NLRP14: variants seen among roughly 807,000 people sequenced by gnomAD.
The protein encoded by NLRP14 is NLR family pyrin domain containing 14, also known as NACHT, LRR and PYD domains-containing protein 14.
In NLRP14, 105 loss-of-function variants were observed where a neutral mutation model predicts 94.7. That is an observed-to-expected ratio of 1.11 (90% CI 0.95 to 1.30). The LOEUF (loss-of-function observed/expected upper bound fraction) is 1.30, where lower values mean the gene tolerates loss of function less well. Ranked by LOEUF, NLRP14 falls within the 50% of genes most tolerant of loss-of-function variation. The probability of loss-of-function intolerance (pLI) is 0.00; values close to 1 mark genes in which losing one functional copy is unlikely to be tolerated. For synonymous variants in NLRP14, 508 were observed against 459.9 expected, an observed-to-expected ratio of 1.10 and a Z score of -1.34; for missense variants, 1,362 against 1,254.1, an observed-to-expected ratio of 1.09 and a Z score of -1.30.
At chr11:7,030,905 T>C (rs1016549207) in intron 1 of NLRP14, among the ~76,000 whole-genome samples, 11 of 152,286 alleles carry the variant, frequency 7.2e-5, no homozygotes, top group African/African-American at 2.6e-4. Flanking sequence ...GATCCTATAT[T>C]GAACACTGAA....
rs1380358602 is a variant in NLRP14 at position 7,042,726 on chromosome 11, T to A, written c.700T>A (p.Ser234Thr). 6.2e-7 allele frequency: 1 copy of A among 1,614,190 alleles called. No homozygotes were observed. The highest frequency in any genetic ancestry group is 2.2e-5 in the East Asian group (1 of 44,878). The change falls in exon 4 of 12, where the codon TCA becomes ACA. Residue 234 changes from serine to threonine, a missense_variant. Physicochemically the swap from Ser to Thr is moderately conservative, Grantham distance 58. Coordinates refer to ENST00000299481, the MANE Select transcript of NLRP14 (RefSeq NM_176822.4). ...LKERSFAQLI[S>T]KDWPSTEGPI... ...AGAGAGAAGCTTTGCTCAATTGATA[T>A]CAAAGGACTGGCCCAGCACAGAAGG...
chr11:7,032,229 G>T (rs576508950), intron 1 of NLRP14, among the ~76,000 whole-genome samples: 12 of 151,910 alleles, frequency 7.9e-5, no homozygotes, highest in South Asian at 2.1e-4. Flanking sequence ...GTACATTTTG[G>T]TTTTTTTTAT....
chr11:7,072,376 C>T (rs565695241), downstream of NLRP14, among the ~76,000 whole-genome samples: 1 of 152,234 alleles, frequency 6.6e-6, no homozygotes, highest in South Asian at 2.1e-4. Flanking sequence ...TGATCCTTGC[C>T]CCCTCAGAGG....
In NLRP14 at chr11:7,038,804, G is replaced by T; in HGVS notation, c.218G>T (p.Ser73Ile). The change falls in exon 2 of 12, where the codon AGT becomes ATT. Residue 73 changes from serine to isoleucine, a missense_variant. Ser to Ile is a moderately radical substitution (Grantham distance 142). Coordinates refer to ENST00000299481, the MANE Select transcript of NLRP14 (RefSeq NM_176822.4). Reference sequence around the variant, plus strand: ...TATTATCCAGGAGAGAAAGCCTGGAGTGTGTCTCTCAAAATCTTTGGCAAG... The same window carrying T: ...TATTATCCAGGAGAGAAAGCCTGGATTGTGTCTCTCAAAATCTTTGGCAAG... ...KKYYPGEKAW[S>I]VSLKIFGKMN... is the part of the protein sequence containing the mutation. 1 of 1,613,148 alleles carries T rather than the reference G, an allele frequency of 6.2e-7. No individual in the cohort carries two copies. Among genetic ancestry groups the T allele is most frequent in the Non-Finnish European group, 8.5e-7 (1 of 1,179,744 alleles).
chr11:7,046,183 T>G (rs1203714488), intron 4 of NLRP14, among the ~76,000 whole-genome samples: 2 of 152,212 alleles, frequency 1.3e-5, no homozygotes, highest in Non-Finnish European at 2.9e-5. Flanking sequence ...TTATAGATGA[T>G]GAAAATTTGC....
chr11:7,068,428 G>A (rs1159044200), intron 10 of NLRP14, among the ~76,000 whole-genome samples: 1 of 151,916 alleles, frequency 6.6e-6, no homozygotes, highest in Non-Finnish European at 1.5e-5. Context: ...TGTTATTTTT[G>A]AGTCCACAAT....
At chr11:7,031,196 C>G (rs1852089360) in intron 1 of NLRP14, among the ~76,000 whole-genome samples, 2 of 152,296 alleles carry the variant, frequency 1.3e-5, no homozygotes, top group East Asian at 3.9e-4. Context: ...GCGCTTATAC[C>G]CTTTGCCACC....
At chr11:7,022,150 C>T (rs1047206835) in intron 1 of NLRP14, among the ~76,000 whole-genome samples, 1 of 152,150 alleles carries the variant, frequency 6.6e-6, no homozygotes, top group African/African-American at 2.4e-5. Context: ...GCCTATCTGC[C>T]TCCGTCCACC....
chr11:7,035,463 G>C (rs992242370), intron 1 of NLRP14, among the ~76,000 whole-genome samples: 4 of 152,054 alleles, frequency 2.6e-5, no homozygotes, highest in African/African-American at 9.7e-5. Flanking sequence ...GAAGATCCAG[G>C]GTTCTAATTG....
chr11:7,046,665 A>G lies in NLRP14; in HGVS notation c.1959-3A>G. On this transcript the variant is annotated splice_region_variant and splice_polypyrimidine_tract_variant and intron_variant, in intron 4 of 11. Transcript: ENST00000299481. Reference sequence around the variant, plus strand: ...TTTTCTTTTCTCAATTATTTATGCAAAGGGATGGTGATCGCATTACTCACT... The same window carrying G: ...TTTTCTTTTCTCAATTATTTATGCAGAGGGATGGTGATCGCATTACTCACT... 1 of 1,612,482 alleles carries G rather than the reference A, an allele frequency of 6.2e-7. No homozygotes were observed. The highest frequency in any genetic ancestry group is 8.5e-7 in the Non-Finnish European group (1 of 1,178,532).
At chr11:7,079,820 C>T in the NLRP14 span, among the ~76,000 whole-genome samples, 4 of 152,168 alleles carry the variant, frequency 2.6e-5, no homozygotes, top group African/African-American at 9.7e-5. Context: ...CTGTGTCTTT[C>T]CCCCATTGGC....
Position 7,043,919 on chromosome 11 carries a change from C to G in NLRP14, c.1893C>G (p.Ile631Met). Residue 631 changes from isoleucine to methionine, a missense_variant, in exon 4 of 12, where the codon ATC becomes ATG. By Grantham distance (10) the Ile-to-Met change is conservative. Coordinates refer to ENST00000299481, the MANE Select transcript of NLRP14 (RefSeq NM_176822.4). ...CLKHCRCLRT[I>M]RLSVTVVFEK... ...AGCACTGCCGGTGTTTGCGGACCAT[C>G]AGGCTGTCTGTAACTGTGGTATTTG... The G allele has an allele frequency of 6.2e-7, 1 of 1,614,116 alleles. No individual in the cohort carries two copies. Among genetic ancestry groups the G allele is most frequent in the Non-Finnish European group, 8.5e-7 (1 of 1,179,964 alleles).
downstream of NLRP14, among the ~76,000 whole-genome samples, chr11:7,073,296 T>TA (rs1852829010): frequency 6.6e-6 from 1 of 152,172 alleles, no homozygotes. Context: ...ACCACAAACT[T>TA]AATGTTTTTC....
In NLRP14 at chr11:7,071,231, A is replaced by G. The variant is rs199535673; in HGVS notation, c.3205A>G (p.Ser1069Gly). Residue 1069 changes from serine (S) to glycine (G), a missense_variant, in exon 12 of 12, where the codon AGC becomes GGC. By Grantham distance (56) the Ser-to-Gly change is moderately conservative. Coordinates refer to ENST00000299481, the MANE Select transcript of NLRP14 (RefSeq NM_176822.4). ...GAAGCTGCTGGAAGCTGTGGGAGTTAGCAATCCACACTTAATCATTAAGCC... is the reference window on the plus strand; with the variant it reads ...GAAGCTGCTGGAAGCTGTGGGAGTTGGCAATCCACACTTAATCATTAAGCC... ...AQKLLEAVGV[S>G]NPHLIIKPDC... The G allele has an allele frequency of 8.7e-6, 14 of 1,613,456 alleles. No individual in the cohort carries two copies. In the South Asian group the frequency reaches 8.8e-5, roughly 10 times the overall value.
chr11:7,073,676 C>G (rs1029804040), downstream of NLRP14, among the ~76,000 whole-genome samples: 5 of 152,146 alleles, frequency 3.3e-5, no homozygotes, highest in African/African-American at 1.2e-4. Context: ...GCTCACAGAA[C>G]TCAGGGAAGT....
At chr11:7,070,773 A>C (rs1852782315) in intron 11 of NLRP14, among the ~76,000 whole-genome samples, 1 of 152,168 alleles carries the variant, frequency 6.6e-6, no homozygotes, top group South Asian at 2.1e-4. Flanking sequence ...AAATGATAAA[A>C]TCTACCCATA....
the NLRP14 span, chr11:7,089,669 C>G: frequency 1.4e-6 from 2 of 1,460,726 alleles, no homozygotes; most frequent in Non-Finnish European, 1.8e-6. Flanking sequence ...GGGCCCTGGC[C>G]GTGCGGGGGC....
chr11:7,089,960 A>C, the NLRP14 span: 1 of 1,613,054 alleles, frequency 6.2e-7, no homozygotes, highest in Non-Finnish European at 8.5e-7. Flanking sequence ...GCTCCCATCG[A>C]GAGCCCTTTG....
chr11:7,070,395 GA>G lies in NLRP14; in HGVS notation c.3087del (p.Gly1030GlufsTer3). ...TCTGACACAGAATACCTTAGGATAT[GA>G]AGGAATTGTGAAGTTATATAAAGTC... ...MNLTQNTLGY[E>X]GIVKLYKVLK... is the part of the protein sequence containing the mutation. On this transcript the variant is annotated frameshift_variant, in exon 11 of 12. Coordinates refer to ENST00000299481, the MANE Select transcript of NLRP14 (RefSeq NM_176822.4). LOFTEE classifies it high-confidence loss of function. The G allele has an allele frequency of 6.2e-7, 1 of 1,608,914 alleles. No individual in the cohort carries two copies. Among genetic ancestry groups the G allele is most frequent in the Non-Finnish European group, 8.5e-7 (1 of 1,175,382 alleles).
Sources: gnomAD v4.1 joint callset for allele counts (sites outside exome capture counted in the v4.1 genomes callset) on GRCh38, gnomAD v4.1.1 for gene constraint, MANE v1.5 for transcripts, NCBI Gene and HGNC (gene_info 2026-07-23, HGNC 2026-07-21) for gene names.